UXS1: variants seen among roughly 807,000 people sequenced by gnomAD.
UXS1 encodes the protein UDP-glucuronate decarboxylase 1.
A neutral mutation model predicts 62.6 loss-of-function variants in UXS1; 33 were observed. That is an observed-to-expected ratio of 0.53 (90% confidence interval 0.40 to 0.70). The LOEUF (loss-of-function observed/expected upper bound fraction) is 0.70. Ranked by LOEUF, UXS1 falls within the 30% of genes least tolerant of loss-of-function variation. UXS1 has a pLI of 0.00. For missense variants in UXS1, 434 were observed against 556.3 expected (o/e 0.78, Z 2.21); for synonymous variants, 213 against 206.8 (o/e 1.03, Z -0.26).
intron 7 of UXS1, among the ~76,000 whole-genome samples, chr2:106,127,796 T>A (rs935587842): frequency 1.3e-5 from 2 of 152,186 alleles, no homozygotes; most frequent in East Asian, 3.9e-4. Flanking sequence ...CTTTTGTATC[T>A]CTCCTGGAAG....
chr2:106,129,740 G>A lies in UXS1; in HGVS notation c.511C>T (p.Pro171Ser), dbSNP rs766197781. The A allele has an allele frequency of 6.2e-7, 1 of 1,611,956 alleles. No homozygotes were observed. Among genetic ancestry groups the A allele is most frequent in the Non-Finnish European group, 8.5e-7 (1 of 1,178,892 alleles). ...TTGATAGGATTATACATGTAGTTTG[G>A]AGGGGAGGCTGGAGATGCCAGATGG... ...IYHLASPASP[P>S]NYMYNPIKTL... The change falls in exon 7 of 15, where the codon CCA (proline) becomes TCA (serine). Residue 171 changes from proline to serine, a missense_variant. This residue lies in a region of UXS1 where 134 missense variants were observed against 251.9 expected (regional missense o/e 0.53). Transcript: ENST00000283148.
chr2:106,104,894 T>C, intron 10 of UXS1, 57 bp from the exon 11 acceptor site: 2 of 1,610,140 alleles, frequency 1.2e-6, no homozygotes, highest in South Asian at 1.1e-5. Context: ...CCTGCGTAGG[T>C]GTCCTTGAAA....
intron 1 of UXS1, chr2:106,166,513 C>T (rs1683220973): frequency 6.3e-6 from 1 of 159,882 alleles, no homozygotes; most frequent in South Asian, 1.8e-4. Context: ...AAACAAAATA[C>T]CTTTAAAGAA....
At chr2:106,114,115 G>C (rs1157624319) in intron 9 of UXS1, among the ~76,000 whole-genome samples, 1 of 152,166 alleles carries the variant, frequency 6.6e-6, no homozygotes, top group African/African-American at 2.4e-5. Context: ...TCAGTGGCTG[G>C]AGTGACACGG....
At chr2:106,094,384 C>T (rs1676911363) in intron 14 of UXS1, among the ~76,000 whole-genome samples, 1 of 151,940 alleles carries the variant, frequency 6.6e-6, no homozygotes, top group Admixed American at 6.6e-5. Context: ...TACTGTGGAG[C>T]TGACAAGTGT....
At chr2:106,130,922 A>G (rs556715757) in intron 6 of UXS1, among the ~76,000 whole-genome samples, 7 of 152,262 alleles carry the variant, frequency 4.6e-5, no homozygotes, top group African/African-American at 1.7e-4. Flanking sequence ...CCGAATAGGA[A>G]CAGCTCCAGT....
intron 1 of UXS1, among the ~76,000 whole-genome samples, chr2:106,170,014 C>T (rs1190639111): frequency 6.6e-6 from 1 of 152,208 alleles, no homozygotes; most frequent in African/African-American, 2.4e-5. Context: ...TCCACTGCCC[C>T]TGGAGGCTGG....
intron 10 of UXS1, among the ~76,000 whole-genome samples, chr2:106,105,821 G>A (rs936477356): frequency 9.9e-5 from 15 of 152,206 alleles, no homozygotes; most frequent in East Asian, 1.9e-4. Flanking sequence ...GAGTGCCCTC[G>A]GGGGTTTTGT....
intron 9 of UXS1, among the ~76,000 whole-genome samples, chr2:106,121,451 A>G (rs1679510470): frequency 6.6e-6 from 1 of 152,236 alleles, no homozygotes; most frequent in African/African-American, 2.4e-5. Flanking sequence ...TGAAAGCAAA[A>G]GAAAACAGTT....
chr2:106,179,385 A>T lies in UXS1; in HGVS notation c.95-13302T>A, dbSNP rs72947331. 8.4e-3 allele frequency among the ~76,000 whole-genome samples: 1,271 copies of T among 151,238 alleles called. 19 individuals are homozygous for T. Among genetic ancestry groups the T allele is most frequent in the African/African-American group, 0.03 (1,221 of 41,146 alleles). On this transcript the variant is annotated intron_variant, in intron 1 of 14. Transcript: ENST00000283148. Reference sequence around the variant, plus strand: ...ATCTTTCCCAACCCTGTGCGGCCTCACCCCCTCTCAGATGCCCGCCCAGAC... The same window carrying T: ...ATCTTTCCCAACCCTGTGCGGCCTCTCCCCCTCTCAGATGCCCGCCCAGAC...
intron 5 of UXS1, 62 bp from the exon 6 acceptor site, chr2:106,145,432 C>T: frequency 6.6e-7 from 1 of 1,518,188 alleles, no homozygotes; most frequent in Non-Finnish European, 8.8e-7. Context: ...ACAGTGAGGA[C>T]CAGCTCCACG....
intron 10 of UXS1, 108 bp from the exon 11 acceptor site, chr2:106,104,945 G>A: frequency 2.2e-6 from 3 of 1,340,434 alleles, no homozygotes; most frequent in Non-Finnish European, 3.2e-6. Flanking sequence ...GATCCCAGGG[G>A]GCAGTGATGC....
chr2:106,097,976 C>T lies in UXS1; in HGVS notation c.1042+740G>A, dbSNP rs1677262075. ...ATGCCGATGAATGGCAGCCTGATGC[C>T]AGGAAGGGCACACTGGAGGAATTAA... is the stretch of plus-strand genomic sequence containing the variant. On this transcript the variant is annotated intron_variant, in intron 13 of 14. Transcript: ENST00000283148. Among the ~76,000 whole-genome samples the T allele has an allele frequency of 3.3e-5, 5 of 152,214 alleles. No individual in the cohort carries two copies. In the South Asian group the frequency reaches 8.3e-4, roughly 25 times the overall value.
At chr2:106,128,917 T>TAATTCCATTTAATACAAG in intron 7 of UXS1, among the ~76,000 whole-genome samples, 1 of 152,372 alleles carries the variant, frequency 6.6e-6, no homozygotes, top group Admixed American at 6.5e-5. Context: ...GTTCCTATAC[T>TAATTCCATTTAATACAAG]TAAATCCATC....
intron 1 of UXS1, among the ~76,000 whole-genome samples, chr2:106,181,622 C>T (rs1004610460): frequency 1.3e-5 from 2 of 152,108 alleles, no homozygotes; most frequent in African/African-American, 4.8e-5. Context: ...GAGACTGAGG[C>T]ACCAGAATCA....
Position 106,165,532 on chromosome 2 carries a change from T to A in UXS1, c.122+524A>T, listed in dbSNP as rs13387063. Among the ~76,000 whole-genome samples, 719 of 152,282 alleles carry A rather than the reference T, an allele frequency of 4.7e-3. 9 individuals carry two copies. The highest frequency in any genetic ancestry group is 0.017 in the African/African-American group (707 of 41,550). ...GATTTTTTTAAAGGCTATTTTTTTT[T>A]ATTTGGTAAAGAGATAACACGAGTT... On this transcript the variant is annotated intron_variant, in intron 2 of 14. Transcript: ENST00000283148.
chr2:106,183,197 G>A (rs1684350183), intron 1 of UXS1, among the ~76,000 whole-genome samples: 1 of 140,272 alleles, frequency 7.1e-6, no homozygotes, highest in Non-Finnish European at 1.5e-5. Context: ...CACCACCAAT[G>A]TTCTGTTGCT....
At chr2:106,138,600 G>C (rs1489990826) in intron 6 of UXS1, 2 of 985,472 alleles carry the variant, frequency 2.0e-6, no homozygotes, top group Non-Finnish European at 2.4e-6. Flanking sequence ...AGTTAGCTGA[G>C]AGAAGAGATG....
chr2:106,191,927 C>A (rs1318402019), intron 1 of UXS1, among the ~76,000 whole-genome samples: 1 of 152,198 alleles, frequency 6.6e-6, no homozygotes, highest in Non-Finnish European at 1.5e-5. Context: ...CCCACCTCAC[C>A]ATCTTGGCCA....
Sources: gnomAD v4.1 joint callset for allele counts (sites outside exome capture counted in the v4.1 genomes callset) on GRCh38, gnomAD v4.1.1 for gene constraint, gnomAD v4.1.1 regional missense constraint, MANE v1.5 for transcripts, NCBI Gene and HGNC (gene_info 2026-07-23, HGNC 2026-07-21) for gene names.